Variants in WEE2 observed in about 807,000 individuals in gnomAD.
The protein encoded by WEE2 is WEE2 oocyte meiosis inhibiting kinase.
A neutral mutation model predicts 60.1 loss-of-function variants in WEE2; 50 were observed. The ratio of observed to expected loss-of-function variants is 0.83; its 90% CI spans 0.66 to 1.05. WEE2 has a LOEUF of 1.05. Among genes scored for constraint, WEE2 ranks in the 50% least tolerant of loss-of-function variants. WEE2 has a pLI of 0.00. For missense variants in WEE2, 631 were observed against 684.3 expected (o/e 0.92, Z 0.87); for synonymous variants, 240 against 241.0 (o/e 1.00, Z 0.04).
intron 5 of WEE2, among the ~76,000 whole-genome samples, chr7:141,722,336 C>T (rs566899834): frequency 5.3e-5 from 8 of 152,112 alleles, no homozygotes; most frequent in South Asian, 4.2e-4. Flanking sequence ...ACCCGGGAGG[C>T]GGAGGTTGCA....
intron 10 of WEE2, chr7:141,727,720 C>T (rs1469238887): frequency 2.6e-6 from 1 of 382,972 alleles, no homozygotes; most frequent in South Asian, 6.1e-5. Flanking sequence ...GTAAAGAAAA[C>T]TTAGGATTCT....
chr7:141,719,109 A>G lies in WEE2; in HGVS notation c.623A>G (p.Tyr208Cys). 4.3e-6 allele frequency: 7 copies of G among 1,614,082 alleles called. No homozygotes were observed. The highest frequency in any genetic ancestry group is 1.7e-4 in the Middle Eastern group (1 of 6,050). ...VLRETNMASRYEKEFLEVEKI... is the reference protein window; with the variant it reads ...VLRETNMASRCEKEFLEVEKI... ...CGAGAAACCAACATGGCTTCCCGCT[A>G]TGAAAAAGAATTCTTGGAGGTTGAA... Residue 208 changes from tyrosine (Y) to cysteine (C), a missense_variant, in exon 4 of 12, where the codon TAT becomes TGT. Physicochemically the swap from Tyr to Cys is radical, Grantham distance 194 (BLOSUM62 -2). Transcript: ENST00000397541.
chr7:141,717,580 A>G lies in WEE2; in HGVS notation c.585+1313A>G, dbSNP rs192471124. On this transcript the variant is annotated intron_variant, in intron 3 of 11. Coordinates refer to ENST00000397541, the MANE Select transcript of WEE2 (RefSeq NM_001105558.1). Reference sequence around the variant, plus strand: ...AACCTTTGAAATTTCAAAACAATCTATATGTAAATTAGAAGCTATGAGATA... The same window carrying G: ...AACCTTTGAAATTTCAAAACAATCTGTATGTAAATTAGAAGCTATGAGATA... Among the ~76,000 whole-genome samples, 702 of 152,304 alleles carry G rather than the reference A, an allele frequency of 4.6e-3. 6 individuals carry two copies. The highest frequency in any genetic ancestry group is 0.014 in the African/African-American group (601 of 41,556).
intron 10 of WEE2, chr7:141,728,089 T>G (rs1799052636): frequency 6.6e-6 from 1 of 152,210 alleles, no homozygotes; most frequent in African/African-American, 2.4e-5. Flanking sequence ...TATTCCCAAA[T>G]GTGGAAAACT....
Position 141,725,162 on chromosome 7 carries a change from A to G in WEE2, c.1358A>G (p.Gln453Arg), listed in dbSNP as rs988594070. The change falls in exon 9 of 12, where the codon CAG (glutamine) becomes CGG (arginine). Residue 453 changes from glutamine (Q) to arginine (R), a missense_variant. Coordinates refer to ENST00000397541, the MANE Select transcript of WEE2 (RefSeq NM_001105558.1). ...IRKGNFPDVP[Q>R]ELSESFSSLL... ...AAGGGTAACTTTCCGGACGTTCCTC[A>G]GGAGCTCTCAGAAAGCTTTTCCAGT... The G allele has an allele frequency of 3.1e-6, 5 of 1,614,094 alleles. No homozygotes were observed. Among genetic ancestry groups the G allele is most frequent in the Non-Finnish European group, 4.2e-6 (5 of 1,180,040 alleles).
Position 141,725,009 on chromosome 7 carries a change from T to A in WEE2, c.1222-17T>A. 1 of 1,608,372 alleles carries A rather than the reference T, an allele frequency of 6.2e-7. No homozygotes were observed. The highest frequency in any genetic ancestry group is 8.5e-7 in the Non-Finnish European group (1 of 1,176,446). On this transcript the variant is annotated splice_polypyrimidine_tract_variant and intron_variant, in intron 8 of 11. Transcript: ENST00000397541. Reference sequence around the variant, plus strand: ...TGCTTGGCATAGTAACTGGCCTTCCTGTCTTCTGTTTTGAAGGATTACCGG... The same window carrying A: ...TGCTTGGCATAGTAACTGGCCTTCCAGTCTTCTGTTTTGAAGGATTACCGG...
intron 5 of WEE2, 134 bp downstream of exon 5, chr7:141,721,190 T>C (rs1054613794): frequency 9.7e-7 from 1 of 1,026,390 alleles, no homozygotes; most frequent in Admixed American, 2.5e-5. Context: ...CTATATATTA[T>C]AGTCTTGCTT....
At position 141,724,010 on chromosome 7, in the gene WEE2, C is replaced by T; in HGVS notation, c.1097C>T (p.Ala366Val). 1 of 1,613,362 alleles carries T rather than the reference C, an allele frequency of 6.2e-7. No individual in the cohort carries two copies. The highest frequency in any genetic ancestry group is 8.5e-7 in the Non-Finnish European group (1 of 1,179,762). ...GTCATAGAAGAAGTTGAAAATGAAG[C>T]TGATTGGTTTCTCTCTGCCAATGTG... ...SGVIEEVENE[A>V]DWFLSANVMY... Residue 366 changes from alanine (A) to valine (V), a missense_variant, in exon 7 of 12, where the codon GCT (alanine) becomes GTT (valine). By Grantham distance (64) the Ala-to-Val change is moderately conservative. Coordinates refer to ENST00000397541, the MANE Select transcript of WEE2 (RefSeq NM_001105558.1).
chr7:141,727,155 G>C (rs1311140071), intron 9 of WEE2, 149 bp from the exon 10 acceptor site: 2 of 756,986 alleles, frequency 2.6e-6, no homozygotes, highest in Non-Finnish European at 4.3e-6. Context: ...CCCAGGTGGA[G>C]CTCAGTTTTC....
At chr7:141,713,084 TA>T (rs937794195) in intron 1 of WEE2, among the ~76,000 whole-genome samples, 1 of 151,862 alleles carries the variant, frequency 6.6e-6, no homozygotes, top group Non-Finnish European at 1.5e-5. Context: ...TTTCTTCACT[TA>T]AAAAAAAGGC....
chr7:141,727,509 A>C, intron 10 of WEE2, 63 bp downstream of exon 10: 1 of 1,577,692 alleles, frequency 6.3e-7, no homozygotes, highest in East Asian at 2.2e-5. Context: ...TGGTATGACT[A>C]GTCTACTGTG....
chr7:141,721,436 A>G (rs545334476), intron 5 of WEE2, among the ~76,000 whole-genome samples: 1 of 152,012 alleles, frequency 6.6e-6, no homozygotes, highest in African/African-American at 2.4e-5. Context: ...GACCTCACCT[A>G]CACACTTTGT....
chr7:141,708,972 A>G lies in WEE2; in HGVS notation c.214A>G (p.Lys72Glu). 1.2e-6 allele frequency: 2 copies of G among 1,614,134 alleles called. No individual in the cohort carries two copies. Among genetic ancestry groups the G allele is most frequent in the South Asian group, 2.2e-5 (2 of 91,082 alleles). The change falls in exon 1 of 12, where the codon AAA (lysine) becomes GAA (glutamate). Residue 72 changes from lysine (K) to glutamate (E), a missense_variant. Coordinates refer to ENST00000397541, the MANE Select transcript of WEE2 (RefSeq NM_001105558.1). ...GCATGAGCTCGACACATCTTCGGAA[A>G]AAGACAAAGAAAGTCCAGATCAGAT... is the stretch of plus-strand genomic sequence containing the variant. ...NVHELDTSSE[K>E]DKESPDQILR...
intron 1 of WEE2, among the ~76,000 whole-genome samples, chr7:141,712,368 C>A (rs770201262): frequency 1.4e-4 from 21 of 152,116 alleles, no homozygotes; most frequent in Non-Finnish European, 2.6e-4. Flanking sequence ...CCAAATTTCC[C>A]TTATCTCCCT....
In WEE2 at chr7:141,727,287, T is replaced by C. The variant is rs1799034195; in HGVS notation, c.1393-17T>C. 4 of 1,599,844 alleles carry C rather than the reference T, an allele frequency of 2.5e-6. No individual in the cohort carries two copies. Among genetic ancestry groups the C allele is most frequent in the Non-Finnish European group, 3.4e-6 (4 of 1,175,032 alleles). ...AGTGAAGCTTCTGTTTCTTTCCTCT[T>C]GGTCCTATATCATCAGAACATGATC... On this transcript the variant is annotated splice_polypyrimidine_tract_variant and intron_variant, in intron 9 of 11. Coordinates refer to ENST00000397541, the MANE Select transcript of WEE2 (RefSeq NM_001105558.1).
At chr7:141,723,800 T>C (rs1364950826) in intron 6 of WEE2, 141 bp from the exon 7 acceptor site, 2 of 578,012 alleles carry the variant, frequency 3.5e-6, no homozygotes, top group Non-Finnish European at 6.0e-6. Flanking sequence ...TGAGATTTCA[T>C]ACAAAAAAAA....
Position 141,729,650 on chromosome 7 carries a change from G to C in WEE2, c.1655G>C (p.Ser552Thr). Residue 552 changes from serine to threonine, a missense_variant, in exon 11 of 12, where the codon AGT becomes ACT. Physicochemically the swap from Ser to Thr is moderately conservative, Grantham distance 58. Transcript: ENST00000397541. ...ACAAAACGCCTGGTGGGAGGAAAGA[G>C]TGCAAGGTCTTCAAGCTTTACCTGT... The part of the protein sequence containing the change: ...RSTKRLVGGK[S>T]ARSSSFTSGE... The C allele has an allele frequency of 6.2e-7, 1 of 1,613,538 alleles. No homozygotes were observed. The highest frequency in any genetic ancestry group is 8.5e-7 in the Non-Finnish European group (1 of 1,179,900).
At position 141,708,739 on chromosome 7, in the gene WEE2, T is replaced by C; in HGVS notation, c.-20T>C. ...TTCTGATAGAGCTTTTTGTCTGTGT[T>C]GTAAAGCTCTTTGGCTGAGATGGAT... On this transcript the variant is annotated 5_prime_UTR_variant, in exon 1 of 12. Transcript: ENST00000397541. 6.3e-7 allele frequency: 1 copy of C among 1,598,936 alleles called. No individual in the cohort carries two copies. Among genetic ancestry groups the C allele is most frequent in the Non-Finnish European group, 8.6e-7 (1 of 1,169,394 alleles).
intron 1 of WEE2, among the ~76,000 whole-genome samples, 187 bp downstream of exon 1, chr7:141,709,287 G>T (rs895719673): frequency 7.2e-5 from 11 of 152,154 alleles, no homozygotes; most frequent in Non-Finnish European, 1.5e-4. Flanking sequence ...TAAATGGTTT[G>T]CCAGTTGTCT....
Sources: gnomAD v4.1 joint callset for allele counts (sites outside exome capture counted in the v4.1 genomes callset) on GRCh38, gnomAD v4.1.1 for gene constraint, MANE v1.5 for transcripts, NCBI Gene and HGNC (gene_info 2026-07-23, HGNC 2026-07-21) for gene names.